PCDHA11: variants seen among roughly 807,000 people sequenced by gnomAD.
PCDHA11 encodes protocadherin alpha 11.
A neutral mutation model predicts 70.3 loss-of-function variants in PCDHA11; 61 were observed. The observed-to-expected ratio is 0.87, with a 90% confidence interval of 0.71 to 1.07. The LOEUF is 1.07. Ranked by LOEUF, PCDHA11 falls within the 50% of genes least tolerant of loss-of-function variation. The pLI is 0.00. For missense variants in PCDHA11, 1,324 were observed against 1,237.5 expected, an observed-to-expected ratio of 1.07 and a Z score of -1.05; for synonymous variants, 633 against 555.1, an observed-to-expected ratio of 1.14 and a Z score of -1.97.
intron 3 of PCDHA11, among the ~76,000 whole-genome samples, chr5:140,996,592 C>T (rs2097733979): frequency 6.7e-6 from 1 of 149,052 alleles, no homozygotes; most frequent in African/African-American, 2.4e-5. Context: ...AGGGCCGCCT[C>T]CCCCCATTTT....
Position 140,870,474 on chromosome 5 carries a change from C to T in PCDHA11, c.1371C>T (p.Pro457=), listed in dbSNP as rs1554164302. The T allele has an allele frequency of 6.2e-7, 1 of 1,614,218 alleles. No homozygotes were observed. Among genetic ancestry groups the T allele is most frequent in the Non-Finnish European group, 8.5e-7 (1 of 1,180,036 alleles). The change falls in exon 1 of 4, where the codon CCC becomes CCT. Residue 457 remains proline, a synonymous_variant. Transcript: ENST00000398640. ...ACAATGCGCCTGCGTTCGCACAGCC[C>T]GAGTACACCGTGTTCGTGAAGGAGA... ...VNDNAPAFAQ[P]EYTVFVKENN...
intron 1 of PCDHA11, chr5:140,875,963 T>C: frequency 4.3e-6 from 7 of 1,614,122 alleles, no homozygotes; most frequent in Non-Finnish European, 5.9e-6. Context: ...GATATCGGCG[T>C]AAACTCTCTT....
At chr5:140,877,347 G>A (rs2057054618) in intron 1 of PCDHA11, 3 of 1,614,010 alleles carry the variant, frequency 1.9e-6, no homozygotes, top group Admixed American at 1.7e-5. Flanking sequence ...TCCACGTGGG[G>A]CTGTACACTG....
chr5:140,869,502 C>T lies in PCDHA11; in HGVS notation c.399C>T (p.Phe133=), dbSNP rs2051182557. 3 of 1,614,090 alleles carry T rather than the reference C, an allele frequency of 1.9e-6. No homozygotes were observed. In the African/African-American group the frequency reaches 4.0e-5, roughly 22 times the overall value. The change falls in exon 1 of 4, where the codon TTC becomes TTT. Residue 133 remains phenylalanine (F), a synonymous_variant. Transcript: ENST00000398640. ...VKDINDNPPV[F]SLREQKLLIA... is the part of the protein sequence containing the mutation. Reference sequence around the variant, plus strand: ...ACATTAACGACAACCCGCCGGTGTTCTCGCTCAGAGAACAAAAGCTGCTGA... The same window carrying T: ...ACATTAACGACAACCCGCCGGTGTTTTCGCTCAGAGAACAAAAGCTGCTGA...
chr5:140,949,172 A>G (rs574592967), intron 1 of PCDHA11, among the ~76,000 whole-genome samples: 3 of 151,856 alleles, frequency 2.0e-5, no homozygotes, highest in African/African-American at 7.2e-5. Context: ...TCTTTTGGTC[A>G]GAGAACATAC....
At chr5:140,891,431 A>G (rs912407002) in intron 1 of PCDHA11, among the ~76,000 whole-genome samples, 1 of 143,446 alleles carries the variant, frequency 7.0e-6, no homozygotes, top group Non-Finnish European at 1.5e-5. Context: ...CAAGTCCCCA[A>G]CGTCCATTGT....
chr5:140,995,905 G>C (rs1346539389), intron 3 of PCDHA11, among the ~76,000 whole-genome samples: 1 of 152,186 alleles, frequency 6.6e-6, no homozygotes, highest in Non-Finnish European at 1.5e-5. Flanking sequence ...GTATAAAAGA[G>C]GAGAGACCAT....
At chr5:140,902,846 A>G (rs1119032) in intron 1 of PCDHA11, among the ~76,000 whole-genome samples, 22,643 of 152,174 alleles carry the variant, frequency 0.15, 1,744 homozygotes, top group Middle Eastern at 0.2. Flanking sequence ...CTTCACTTAG[A>G]AAAATGGCGT....
chr5:140,933,276 G>T (rs1392004837), intron 1 of PCDHA11, among the ~76,000 whole-genome samples: 2 of 151,892 alleles, frequency 1.3e-5, no homozygotes, highest in Non-Finnish European at 2.9e-5. Context: ...TATTCATTTG[G>T]AACTTGTTTT....
At chr5:140,884,810 G>A in intron 1 of PCDHA11, 1 of 1,150,538 alleles carries the variant, frequency 8.7e-7, no homozygotes, top group Non-Finnish European at 1.2e-6. Context: ...CAACTCTGCT[G>A]TGGACATTAT....
At chr5:140,877,456 A>G (rs782196648) in intron 1 of PCDHA11, 18 of 1,613,802 alleles carry the variant, frequency 1.1e-5, no homozygotes, top group Non-Finnish European at 1.5e-5. Flanking sequence ...GCTGACGTCC[A>G]CGGCCACGGT....
At chr5:140,986,981 A>G (rs1180752989) in intron 3 of PCDHA11, among the ~76,000 whole-genome samples, 1 of 152,146 alleles carries the variant, frequency 6.6e-6, no homozygotes, top group Non-Finnish European at 1.5e-5. Flanking sequence ...TGGGAGGCCA[A>G]GGCAGGCAGA....
chr5:140,914,302 A>G (rs1168032612), intron 1 of PCDHA11, among the ~76,000 whole-genome samples: 4 of 152,144 alleles, frequency 2.6e-5, no homozygotes, highest in African/African-American at 9.7e-5. Context: ...CTCTTGCTGA[A>G]TTGACCCCAT....
intron 1 of PCDHA11, chr5:140,928,845 T>C: frequency 6.2e-7 from 1 of 1,614,180 alleles, no homozygotes; most frequent in Non-Finnish European, 8.5e-7. Flanking sequence ...CCTCTGTCAC[T>C]CTGGGTGTGC....
chr5:140,893,753 A>G (rs1007226278), intron 1 of PCDHA11, among the ~76,000 whole-genome samples: 3 of 152,106 alleles, frequency 2.0e-5, no homozygotes, highest in South Asian at 2.1e-4. Context: ...GAATTTTCTT[A>G]TAGGTGACTT....
rs150805116 is a variant in PCDHA11, at chr5:140,977,093, T to C, written c.2392-1856T>C. On this transcript the variant is annotated intron_variant, in intron 1 of 3. Coordinates refer to ENST00000398640, the MANE Select transcript of PCDHA11 (RefSeq NM_018902.5). ...GCAGCATGACAAATTAAATGTGTCA[T>C]TGGGGAAGTGAGATTGTATAATGAA... 6.6e-5 allele frequency among the ~76,000 whole-genome samples: 10 copies of C among 152,320 alleles called. No homozygotes were observed. The East Asian group carries it at 1.7e-3, about 26-fold the overall frequency.
chr5:140,903,339 A>T (rs1176958912), intron 1 of PCDHA11, among the ~76,000 whole-genome samples: 1 of 152,206 alleles, frequency 6.6e-6, no homozygotes, highest in African/African-American at 2.4e-5. Context: ...GAAAGGATGC[A>T]TTTTAAAAAA....
intron 1 of PCDHA11, among the ~76,000 whole-genome samples, chr5:140,915,121 A>G (rs982484419): frequency 1.1e-4 from 16 of 151,600 alleles, no homozygotes; most frequent in African/African-American, 3.9e-4. Flanking sequence ...CCTAATTTTT[A>G]TATTTTTAGT....
chr5:140,937,322 C>T (rs2091472402), intron 1 of PCDHA11, among the ~76,000 whole-genome samples: 1 of 152,084 alleles, frequency 6.6e-6, no homozygotes, highest in Non-Finnish European at 1.5e-5. Context: ...CAGGCGTGAG[C>T]CACCGCGCCC....
Sources: allele counts gnomAD v4.1 joint callset (sites outside exome capture counted in the v4.1 genomes callset), GRCh38; gene constraint gnomAD v4.1.1; transcripts MANE v1.5; gene names NCBI Gene and HGNC (gene_info 2026-07-23, HGNC 2026-07-21).